Variants in NCKAP5 observed in about 807,000 individuals in gnomAD.
NCKAP5 encodes the protein nck-associated protein 5.
A neutral mutation model predicts 167.0 loss-of-function variants in NCKAP5; 92 were observed. The ratio of observed to expected loss-of-function variants is 0.55; its 90% CI spans 0.47 to 0.66. NCKAP5 has a LOEUF of 0.66. Ranked by LOEUF, NCKAP5 falls within the 30% of genes least tolerant of loss-of-function variation. The pLI is 0.00. For missense variants in NCKAP5, 2,378 were observed against 2,315.0 expected (o/e 1.03, Z -0.56); for synonymous variants, 891 against 877.4 (o/e 1.02, Z -0.27).
At chr2:133,338,554 T>C (rs1422736032) in intron 3 of NCKAP5, among the ~76,000 whole-genome samples, 2 of 152,230 alleles carry the variant, frequency 1.3e-5, no homozygotes, top group Non-Finnish European at 2.9e-5. Flanking sequence ...AGGTTCTTTT[T>C]TGGTACATAA....
At chr2:132,815,474 A>T in intron 11 of NCKAP5, among the ~76,000 whole-genome samples, 1 of 152,226 alleles carries the variant, frequency 6.6e-6, no homozygotes, top group Non-Finnish European at 1.5e-5. Flanking sequence ...TGGAGACTAC[A>T]AATATTGCTC....
At chr2:133,553,144 A>G (rs1687490280) in intron 2 of NCKAP5, among the ~76,000 whole-genome samples, 2 of 152,240 alleles carry the variant, frequency 1.3e-5, no homozygotes, top group African/African-American at 4.8e-5. Context: ...GGCAGGATAT[A>G]AGTGGGAAAA....
intron 6 of NCKAP5, among the ~76,000 whole-genome samples, chr2:133,079,710 C>T (rs1241257173): frequency 2.0e-5 from 3 of 152,154 alleles, no homozygotes; most frequent in Non-Finnish European, 1.5e-5. Flanking sequence ...TGGTCAATAT[C>T]ATTGTAATGT....
At chr2:133,419,479 G>A (rs897437085) in intron 3 of NCKAP5, among the ~76,000 whole-genome samples, 1 of 152,126 alleles carries the variant, frequency 6.6e-6, no homozygotes, top group Non-Finnish European at 1.5e-5. Flanking sequence ...ATGGTTAGGT[G>A]AGCCATGTAC....
intron 15 of NCKAP5, among the ~76,000 whole-genome samples, chr2:132,778,112 T>C (rs1439911319): frequency 1.3e-5 from 2 of 152,122 alleles, no homozygotes; most frequent in Non-Finnish European, 2.9e-5. Flanking sequence ...ATAGTGTACC[T>C]CTTTCTGACT....
At chr2:132,703,689 GTCAT>G (rs748303514) in intron 19 of NCKAP5, among the ~76,000 whole-genome samples, 13 of 152,050 alleles carry the variant, frequency 8.5e-5, no homozygotes, top group Non-Finnish European at 1.2e-4. Context: ...TACTGACTGG[GTCAT>G]TCATTCATTC....
At chr2:133,286,182 T>C (rs1679118485) in intron 4 of NCKAP5, among the ~76,000 whole-genome samples, 1 of 152,048 alleles carries the variant, frequency 6.6e-6, no homozygotes, top group South Asian at 2.1e-4. Flanking sequence ...TATTTTTTAG[T>C]AGAGACGGGG....
At chr2:133,501,810 A>G (rs1682542527) in intron 3 of NCKAP5, among the ~76,000 whole-genome samples, 1 of 152,234 alleles carries the variant, frequency 6.6e-6, no homozygotes, top group Non-Finnish European at 1.5e-5. Flanking sequence ...ATCTCATTCA[A>G]GTGAGAAACC....
chr2:133,289,479 T>C (rs1679405592), intron 4 of NCKAP5, among the ~76,000 whole-genome samples: 1 of 152,094 alleles, frequency 6.6e-6, no homozygotes, highest in African/African-American at 2.4e-5. Context: ...AGGTGGCTCA[T>C]GTCTGTAATC....
intron 11 of NCKAP5, among the ~76,000 whole-genome samples, chr2:132,845,078 A>C (rs1688563643): frequency 6.6e-6 from 1 of 152,124 alleles, no homozygotes; most frequent in Non-Finnish European, 1.5e-5. Context: ...AGTGTCTTTC[A>C]TAAGTTCATC....
the NCKAP5 span, among the ~76,000 whole-genome samples, chr2:133,591,338 C>A: frequency 6.6e-6 from 1 of 152,204 alleles, no homozygotes; most frequent in African/African-American, 2.4e-5. Context: ...CAACTGAAGT[C>A]ACGTGCCTCA....
chr2:133,014,275 G>T (rs1414347536), intron 6 of NCKAP5, among the ~76,000 whole-genome samples: 1 of 152,072 alleles, frequency 6.6e-6, no homozygotes, highest in Non-Finnish European at 1.5e-5. Flanking sequence ...ATGGATACTT[G>T]GGATTCATTC....
chr2:133,167,726 G>A (rs949884591), intron 5 of NCKAP5, among the ~76,000 whole-genome samples: 1 of 152,166 alleles, frequency 6.6e-6, no homozygotes. Context: ...CCTTATACAA[G>A]TCAAGTAACT....
the NCKAP5 span, among the ~76,000 whole-genome samples, chr2:133,669,694 T>C: frequency 6.6e-6 from 1 of 152,226 alleles, no homozygotes; most frequent in Admixed American, 6.5e-5. Context: ...TAACCAAACA[T>C]ATGGCATGGG....
chr2:132,729,608 C>T (rs1271067229), intron 17 of NCKAP5, among the ~76,000 whole-genome samples: 1 of 152,128 alleles, frequency 6.6e-6, no homozygotes, highest in African/African-American at 2.4e-5. Context: ...TGACAAGCTC[C>T]CAGGTGATGC....
chr2:133,275,298 G>A (rs1267689262), intron 4 of NCKAP5, among the ~76,000 whole-genome samples: 2 of 151,996 alleles, frequency 1.3e-5, no homozygotes, highest in Non-Finnish European at 2.9e-5. Flanking sequence ...CCACATTGCA[G>A]GTGGGAATAA....
intron 3 of NCKAP5, among the ~76,000 whole-genome samples, chr2:133,341,380 G>C (rs1363035743): frequency 1.3e-5 from 2 of 151,990 alleles, no homozygotes; most frequent in South Asian, 4.2e-4. Context: ...GGGGGATAAG[G>C]TGGAGTGGGC....
chr2:133,553,137 A>C (rs181599334), intron 2 of NCKAP5, among the ~76,000 whole-genome samples: 1 of 152,352 alleles, frequency 6.6e-6, no homozygotes, highest in East Asian at 1.9e-4. Flanking sequence ...GTAAACGGGC[A>C]GGATATAAGT....
At chr2:133,298,721 A>G (rs1680138397) in intron 4 of NCKAP5, among the ~76,000 whole-genome samples, 1 of 152,222 alleles carries the variant, frequency 6.6e-6, no homozygotes. Context: ...TGGGAAAAAT[A>G]AAATATTCCG....
Sources: gnomAD v4.1 joint callset for allele counts (sites outside exome capture counted in the v4.1 genomes callset) on GRCh38, gnomAD v4.1.1 for gene constraint, MANE v1.5 for transcripts, NCBI Gene and HGNC (gene_info 2026-07-23, HGNC 2026-07-21) for gene names.